PRIM2: variants seen among roughly 807,000 people sequenced by gnomAD.
PRIM2 encodes the protein DNA primase large subunit.
PRIM2 carries 39 observed loss-of-function variants against 67.3 expected under a neutral mutation model. The observed-to-expected ratio is 0.58, with a 90% CI of 0.45 to 0.76. The LOEUF (loss-of-function observed/expected upper bound fraction) is 0.76. Among genes scored for constraint, PRIM2 ranks in the 30% least tolerant of loss-of-function variants. PRIM2 has a pLI of 0.00. For missense variants in PRIM2, 398 were observed against 598.7 expected, an observed-to-expected ratio of 0.66 and a Z score of 3.50; for synonymous variants, 143 against 198.7, an observed-to-expected ratio of 0.72 and a Z score of 2.36.
chr6:57,629,581 C>T (rs1777008819), intron 12 of PRIM2, among the ~76,000 whole-genome samples: 1 of 152,072 alleles, frequency 6.6e-6, no homozygotes, highest in Non-Finnish European at 1.5e-5. Flanking sequence ...GGGAAATGCT[C>T]CTGTCTCCAA....
chr6:57,264,570 A>C, the PRIM2 span, among the ~76,000 whole-genome samples: 1 of 142,752 alleles, frequency 7.0e-6, no homozygotes, highest in African/African-American at 2.6e-5. Context: ...ATGAGGGGTG[A>C]TTTAAACTTG....
the PRIM2 span, among the ~76,000 whole-genome samples, chr6:57,292,367 A>C: frequency 6.6e-6 from 1 of 152,208 alleles, no homozygotes; most frequent in Non-Finnish European, 1.5e-5. Context: ...AAATGGAAGA[A>C]CATTCCATGC....
At chr6:57,540,552 A>G (rs1235998699) in intron 10 of PRIM2, among the ~76,000 whole-genome samples, 1 of 152,242 alleles carries the variant, frequency 6.6e-6, no homozygotes, top group Non-Finnish European at 1.5e-5. Context: ...AAAAACTTGC[A>G]GATGAACCAC....
At chr6:57,334,140 A>T (rs994631263) in intron 5 of PRIM2, among the ~76,000 whole-genome samples, 1 of 152,182 alleles carries the variant, frequency 6.6e-6, no homozygotes, top group South Asian at 2.1e-4. Context: ...TAGATTCCAC[A>T]TATGAGTGAG....
At chr6:57,255,646 G>C in the PRIM2 span, among the ~76,000 whole-genome samples, 15 of 152,076 alleles carry the variant, frequency 9.9e-5, no homozygotes, top group Non-Finnish European at 1.0e-4. Context: ...TGATAAGAAT[G>C]TAAACACAAA....
chr6:57,538,805 C>T (rs1775072649), intron 10 of PRIM2, among the ~76,000 whole-genome samples: 1 of 152,144 alleles, frequency 6.6e-6, no homozygotes, highest in South Asian at 2.1e-4. Flanking sequence ...ATGGCCTTTT[C>T]TCTGTGCATG....
At chr6:57,242,610 G>T in the PRIM2 span, among the ~76,000 whole-genome samples, 5 of 152,108 alleles carry the variant, frequency 3.3e-5, no homozygotes, top group Non-Finnish European at 7.4e-5. Context: ...TCCTAATATG[G>T]TATAAACAAT....
intron 7 of PRIM2, among the ~76,000 whole-genome samples, chr6:57,413,895 T>A (rs1247049024): frequency 1.3e-5 from 2 of 152,236 alleles, no homozygotes; most frequent in East Asian, 3.9e-4. Context: ...CTTAGCATTC[T>A]TACCAGGGCT....
the PRIM2 span, among the ~76,000 whole-genome samples, chr6:57,256,211 A>G: frequency 6.6e-6 from 1 of 152,210 alleles, no homozygotes; most frequent in Non-Finnish European, 1.5e-5. Flanking sequence ...GGGGAAAAAG[A>G]CAATTAACTT....
At chr6:57,303,580 G>A in the PRIM2 span, among the ~76,000 whole-genome samples, 2 of 152,010 alleles carry the variant, frequency 1.3e-5, no homozygotes, top group Non-Finnish European at 2.9e-5. Context: ...TGGATAACCA[G>A]GGCAGCCTCA....
chr6:57,638,504 C>G (rs1777162773), intron 13 of PRIM2, among the ~76,000 whole-genome samples: 1 of 139,256 alleles, frequency 7.2e-6, no homozygotes, highest in African/African-American at 2.7e-5. Context: ...TTCAGGAGAC[C>G]ATTTCACAGG....
chr6:57,506,339 T>C (rs1460111064), intron 7 of PRIM2, among the ~76,000 whole-genome samples: 1 of 152,108 alleles, frequency 6.6e-6, no homozygotes, highest in Non-Finnish European at 1.5e-5. Flanking sequence ...TTTTAGATGA[T>C]AGTTTTATTT....
intron 4 of PRIM2, among the ~76,000 whole-genome samples, chr6:57,324,578 T>A (rs1186894105): frequency 6.6e-6 from 1 of 152,224 alleles, no homozygotes; most frequent in Non-Finnish European, 1.5e-5. Flanking sequence ...GGACTTTTGA[T>A]ATTTTTCCTG....
At chr6:57,483,262 A>G (rs1257285358) in intron 7 of PRIM2, among the ~76,000 whole-genome samples, 2 of 152,170 alleles carry the variant, frequency 1.3e-5, no homozygotes, top group Admixed American at 6.5e-5. Context: ...TTCCAAAACT[A>G]TGGCTTTGAT....
chr6:57,453,543 A>T (rs1772636589), intron 7 of PRIM2, among the ~76,000 whole-genome samples: 1 of 151,986 alleles, frequency 6.6e-6, no homozygotes, highest in Admixed American at 6.5e-5. Context: ...ATTCTCTTTG[A>T]AGCAATTGTG....
At chr6:57,341,277 T>C (rs566876680) in intron 5 of PRIM2, among the ~76,000 whole-genome samples, 15 of 152,228 alleles carry the variant, frequency 9.9e-5, no homozygotes, top group Admixed American at 9.8e-4. Flanking sequence ...AGAACGTCGG[T>C]GGAGGTTAGT....
intron 7 of PRIM2, among the ~76,000 whole-genome samples, chr6:57,428,889 A>T (rs1266620969): frequency 2.0e-5 from 3 of 152,172 alleles, no homozygotes; most frequent in African/African-American, 7.2e-5. Flanking sequence ...CAGTTTTAAC[A>T]TGCATTATTT....
At chr6:57,539,656 GTATATA>G (rs1209100326) in intron 10 of PRIM2, among the ~76,000 whole-genome samples, 8,223 of 70,802 alleles carry the variant, frequency 0.12, 350 homozygotes, top group East Asian at 0.28. Flanking sequence ...GTGTGTGTGT[GTATATA>G]TATATATATA....
chr6:57,241,302 A>G, the PRIM2 span, among the ~76,000 whole-genome samples: 2 of 152,022 alleles, frequency 1.3e-5, no homozygotes, highest in African/African-American at 4.8e-5. Context: ...TCAGCTACTC[A>G]GGAGGCTGAG....
Sources: gnomAD v4.1 joint callset for allele counts (sites outside exome capture counted in the v4.1 genomes callset) on GRCh38, gnomAD v4.1.1 for gene constraint, MANE v1.5 for transcripts, NCBI Gene and HGNC (gene_info 2026-07-23, HGNC 2026-07-21) for gene names.